CYP4Z1: variants seen among roughly 807,000 people sequenced by gnomAD.
The protein encoded by CYP4Z1 is cytochrome P450 4Z1.
In CYP4Z1, 41 loss-of-function variants were observed where a neutral mutation model predicts 54.2. The ratio of observed to expected loss-of-function variants is 0.76; its 90% confidence interval spans 0.59 to 0.98. The LOEUF (loss-of-function observed/expected upper bound fraction) is 0.98, where lower values mean the gene tolerates loss of function less well. Among genes scored for constraint, CYP4Z1 ranks in the 50% least tolerant of loss-of-function variants. The pLI, the probability that CYP4Z1 is intolerant of heterozygous loss-of-function variation, is 0.00. For synonymous variants in CYP4Z1, 163 were observed against 206.2 expected (o/e 0.79, Z 1.79); for missense variants, 513 against 599.0 (o/e 0.86, Z 1.50).
chr1:47,085,946 T>C (rs1267759363), intron 6 of CYP4Z1, among the ~76,000 whole-genome samples: 1 of 150,846 alleles, frequency 6.6e-6, no homozygotes, highest in Non-Finnish European at 1.5e-5. Context: ...ATGCGGTGTC[T>C]GGTTTTTTGT....
rs1644631825 is a variant in CYP4Z1, at chr1:47,090,609, G to C, written c.773-3957G>C. Among the ~76,000 whole-genome samples the C allele has an allele frequency of 2.0e-5, 3 of 152,344 alleles. No individual in the cohort carries two copies. The South Asian group carries it at 6.2e-4, about 32-fold the overall frequency. ...GAGGAAAGGTTAGAAATAGTGAAAA[G>C]TATCTGGTGAGGTAGGAGAGGGACT... On this transcript the variant is annotated intron_variant, in intron 6 of 11. Transcript: ENST00000334194.
At chr1:47,116,240 C>T (rs1326321376) in intron 10 of CYP4Z1, among the ~76,000 whole-genome samples, 1 of 152,078 alleles carries the variant, frequency 6.6e-6, no homozygotes, top group Non-Finnish European at 1.5e-5. Flanking sequence ...TTTCTTTGCC[C>T]AAGTCACTGG....
At chr1:47,057,452 G>T in the CYP4Z1 span, among the ~76,000 whole-genome samples, 2 of 127,314 alleles carry the variant, frequency 1.6e-5, no homozygotes, top group South Asian at 2.4e-4. Context: ...ATTTGATATT[G>T]TCCCACAGGA....
the CYP4Z1 span, among the ~76,000 whole-genome samples, chr1:47,057,687 T>G: frequency 6.6e-6 from 1 of 151,726 alleles, no homozygotes; most frequent in Non-Finnish European, 1.5e-5. Flanking sequence ...AGATTTCCTG[T>G]CTATTCACTC....
At chr1:47,061,118 T>C in the CYP4Z1 span, among the ~76,000 whole-genome samples, 1 of 152,192 alleles carries the variant, frequency 6.6e-6, no homozygotes, top group Admixed American at 6.5e-5. Context: ...AAATTACCAA[T>C]CTAATACCAC....
At chr1:47,117,141 C>G (rs2236332) in intron 11 of CYP4Z1, among the ~76,000 whole-genome samples, 11,276 of 152,152 alleles carry the variant, frequency 0.074, 556 homozygotes, top group East Asian at 0.26. Flanking sequence ...ATGAGAGACA[C>G]CCGATTTACC....
intron 7 of CYP4Z1, chr1:47,097,217 G>A (rs1374857410): frequency 6.6e-6 from 1 of 152,052 alleles, no homozygotes. Flanking sequence ...TATTATTGAC[G>A]GGCATTTAAG....
chr1:47,114,889 G>A (rs1447309065), intron 9 of CYP4Z1, among the ~76,000 whole-genome samples: 5 of 152,174 alleles, frequency 3.3e-5, no homozygotes, highest in African/African-American at 9.7e-5. Flanking sequence ...TCAGTGTGGC[G>A]ATTTCTCAGG....
chr1:47,055,929 C>A, the CYP4Z1 span, among the ~76,000 whole-genome samples: 1 of 152,128 alleles, frequency 6.6e-6, no homozygotes, highest in Non-Finnish European at 1.5e-5. Flanking sequence ...TTCAGTTCTG[C>A]TCTGATCTTA....
upstream of CYP4Z1, among the ~76,000 whole-genome samples, chr1:47,062,234 C>T (rs1345706177): frequency 6.6e-6 from 1 of 152,220 alleles, no homozygotes; most frequent in Non-Finnish European, 1.5e-5. Flanking sequence ...GCAGGCAGAA[C>T]TAGCTTGCAG....
chr1:47,100,313 G>A (rs1023401814), intron 8 of CYP4Z1, among the ~76,000 whole-genome samples: 2 of 152,094 alleles, frequency 1.3e-5, no homozygotes, highest in African/African-American at 4.8e-5. Flanking sequence ...TATTACAATA[G>A]CGCCCTCTTG....
chr1:47,064,266 T>G (rs935182665), upstream of CYP4Z1, among the ~76,000 whole-genome samples: 9 of 152,002 alleles, frequency 5.9e-5, no homozygotes, highest in African/African-American at 1.9e-4. Context: ...CTATTTTTAG[T>G]AGAGATGGGG....
intron 6 of CYP4Z1, 46 bp from the exon 7 acceptor site, chr1:47,094,520 T>A (rs745682816): frequency 7.3e-5 from 97 of 1,337,326 alleles, no homozygotes; most frequent in Non-Finnish European, 1.0e-4. Flanking sequence ...TTGATTGACT[T>A]TCCAGTAACC....
At chr1:47,111,256 T>A (rs1391512513) in intron 9 of CYP4Z1, among the ~76,000 whole-genome samples, 2 of 151,990 alleles carry the variant, frequency 1.3e-5, no homozygotes, top group Non-Finnish European at 2.9e-5. Flanking sequence ...CAATCTCTGC[T>A]CCCTGCAAAC....
Position 47,067,515 on chromosome 1 carries a change from C to A in CYP4Z1, c.25C>A (p.Leu9Ile), listed in dbSNP as rs1179465400. MEPSWLQE[L>I]MAHPFLLLIL... The stretch of plus-strand genomic sequence containing the variant: ...AATGGAGCCCTCCTGGCTTCAGGAA[C>A]TCATGGCTCACCCCTTCTTGCTGCT... The change falls in exon 1 of 12, where the codon CTC becomes ATC. Residue 9 changes from leucine to isoleucine, a missense_variant. By Grantham distance (5) the Leu-to-Ile change is conservative. Coordinates refer to ENST00000334194, the MANE Select transcript of CYP4Z1 (RefSeq NM_178134.3). 1 of 1,611,796 alleles carries A rather than the reference C, an allele frequency of 6.2e-7. No individual in the cohort carries two copies. The highest frequency in any genetic ancestry group is 1.1e-5 in the South Asian group (1 of 90,670).
chr1:47,064,497 T>G (rs1368524364), upstream of CYP4Z1, among the ~76,000 whole-genome samples: 1 of 152,138 alleles, frequency 6.6e-6, no homozygotes, highest in African/African-American at 2.4e-5. Flanking sequence ...AAACAAATGC[T>G]GAGAGAATTC....
At chr1:47,102,859 G>A (rs4926773) in intron 8 of CYP4Z1, among the ~76,000 whole-genome samples, 63,416 of 151,834 alleles carry the variant, frequency 0.42, 14,588 homozygotes, top group East Asian at 0.97. Context: ...GTATGTGGAC[G>A]TGTAAATCTC....
chr1:47,086,671 T>C (rs952791309), intron 6 of CYP4Z1, among the ~76,000 whole-genome samples: 1 of 152,228 alleles, frequency 6.6e-6, no homozygotes, highest in African/African-American at 2.4e-5. Context: ...GTAGTTTCTT[T>C]TGCTGTGCAG....
At chr1:47,101,799 T>C (rs1178834395) in intron 8 of CYP4Z1, among the ~76,000 whole-genome samples, 1 of 152,130 alleles carries the variant, frequency 6.6e-6, no homozygotes, top group Non-Finnish European at 1.5e-5. Context: ...AATGTTTCTT[T>C]ATAAATTAAT....
Sources: allele counts gnomAD v4.1 joint callset (sites outside exome capture counted in the v4.1 genomes callset), GRCh38; gene constraint gnomAD v4.1.1; transcripts MANE v1.5; gene names NCBI Gene and HGNC (gene_info 2026-07-23, HGNC 2026-07-21).